RFX8: variants seen among roughly 807,000 people sequenced by gnomAD.
RFX8 encodes the protein DNA-binding protein RFX8.
In RFX8, 46 loss-of-function variants were observed where a neutral mutation model predicts 54.6. The observed-to-expected ratio is 0.84, with a 90% CI of 0.67 to 1.08. RFX8 has a LOEUF of 1.08. Among genes scored for constraint, RFX8 ranks in the 50% least tolerant of loss-of-function variants. RFX8 has a pLI of 0.00. For missense variants in RFX8, 536 were observed against 562.3 expected (o/e 0.95, Z 0.47); for synonymous variants, 192 against 209.5 (o/e 0.92, Z 0.72).
chr2:101,425,500 A>G (rs1348754997), intron 2 of RFX8, among the ~76,000 whole-genome samples: 1 of 152,232 alleles, frequency 6.6e-6, no homozygotes, highest in Admixed American at 6.5e-5. Flanking sequence ...CATGGCACAT[A>G]CAACACAGTT....
chr2:101,426,737 A>G (rs918257908), intron 2 of RFX8, among the ~76,000 whole-genome samples: 1 of 152,066 alleles, frequency 6.6e-6, no homozygotes, highest in Non-Finnish European at 1.5e-5. Flanking sequence ...AGCCCCTGGG[A>G]GTCTGATGTG....
chr2:101,430,958 A>G (rs1331526662), intron 2 of RFX8, among the ~76,000 whole-genome samples: 2 of 152,350 alleles, frequency 1.3e-5, no homozygotes, highest in Non-Finnish European at 2.9e-5. Flanking sequence ...ATGTCTAAAA[A>G]TTAGTTGTGA....
chr2:101,416,771 T>C (rs933509615), intron 6 of RFX8, among the ~76,000 whole-genome samples: 1 of 151,968 alleles, frequency 6.6e-6, no homozygotes, highest in Admixed American at 6.6e-5. Context: ...ACAAAGAGGA[T>C]AGATTTATAG....
intron 2 of RFX8, among the ~76,000 whole-genome samples, chr2:101,459,433 CCTTT>C (rs1263732028): frequency 6.6e-6 from 1 of 152,132 alleles, no homozygotes; most frequent in African/African-American, 2.4e-5. Context: ...TCATGTTATT[CCTTT>C]CTGTTTGTTA....
intron 2 of RFX8, among the ~76,000 whole-genome samples, chr2:101,428,361 C>T (rs1687300105): frequency 6.6e-6 from 1 of 152,182 alleles, no homozygotes; most frequent in Non-Finnish European, 1.5e-5. Flanking sequence ...AGTGCTTGCT[C>T]CCTCTCTTTC....
At chr2:101,456,673 C>CT (rs900663339) in intron 2 of RFX8, among the ~76,000 whole-genome samples, 23 of 151,288 alleles carry the variant, frequency 1.5e-4, no homozygotes, top group South Asian at 6.3e-4. Flanking sequence ...CTAAAATTCT[C>CT]TTTTTTTTTG....
In RFX8 at chr2:101,468,523, C is replaced by T. The variant is rs571810613; in HGVS notation, c.-52-1623G>A. On this transcript the variant is annotated intron_variant, in intron 1 of 11. Transcript: ENST00000428343. ...CAGGCTGGTCTTGAACTCCTGGGCTCGAGCGCTCCACCCACCTCAGCCTCC... is the reference window on the plus strand; with the variant it reads ...CAGGCTGGTCTTGAACTCCTGGGCTTGAGCGCTCCACCCACCTCAGCCTCC... Among the ~76,000 whole-genome samples, 6 of 152,082 alleles carry T rather than the reference C, an allele frequency of 3.9e-5. No homozygotes were observed. The South Asian group carries it at 8.3e-4, about 21-fold the overall frequency.
Position 101,404,423 on chromosome 2 carries a change from A to G in RFX8, c.928+1520T>C, listed in dbSNP as rs562294681. ...AGGTAGACTGGGAAAAGTAACAACT[A>G]CAGACTAGATTTCTTTTCTTTTTTT... is the stretch of plus-strand genomic sequence containing the variant. On this transcript the variant is annotated intron_variant, in intron 10 of 11. Transcript: ENST00000428343. 3.9e-5 allele frequency among the ~76,000 whole-genome samples: 6 copies of G among 152,222 alleles called. No homozygotes were observed. In the East Asian group the frequency reaches 9.7e-4, roughly 25 times the overall value.
intron 2 of RFX8, 35 bp downstream of exon 2, chr2:101,466,742 A>G: frequency 1.4e-6 from 2 of 1,439,144 alleles, no homozygotes; most frequent in Non-Finnish European, 1.9e-6. Flanking sequence ...TTTTGCACTC[A>G]GTGAATAGAG....
At chr2:101,442,017 C>A (rs537307275) in intron 2 of RFX8, among the ~76,000 whole-genome samples, 2 of 152,002 alleles carry the variant, frequency 1.3e-5, no homozygotes, top group Non-Finnish European at 1.5e-5. Context: ...GATTAAACAA[C>A]GTTGAGGACT....
chr2:101,408,506 C>A (rs944621706), intron 9 of RFX8, among the ~76,000 whole-genome samples: 12 of 151,730 alleles, frequency 7.9e-5, no homozygotes, highest in African/African-American at 2.7e-4. Context: ...AAAAAAAACG[C>A]TGGAGGCTGA....
At chr2:101,449,836 G>A (rs1688582449) in intron 2 of RFX8, among the ~76,000 whole-genome samples, 2 of 152,120 alleles carry the variant, frequency 1.3e-5, no homozygotes, top group South Asian at 2.1e-4. Context: ...AGATCTCGGG[G>A]AGAGCCTAAG....
At chr2:101,435,705 C>A (rs1299139325) in intron 2 of RFX8, among the ~76,000 whole-genome samples, 2 of 152,064 alleles carry the variant, frequency 1.3e-5, no homozygotes, top group African/African-American at 2.4e-5. Context: ...GCCAACTAAA[C>A]GGGATTGGAA....
At chr2:101,424,955 T>C (rs1377463620) in intron 2 of RFX8, among the ~76,000 whole-genome samples, 3 of 152,212 alleles carry the variant, frequency 2.0e-5, no homozygotes, top group South Asian at 4.1e-4. Context: ...ACATGGCACA[T>C]GTATACCTAT....
intron 2 of RFX8, among the ~76,000 whole-genome samples, chr2:101,455,074 A>C (rs1401218450): frequency 6.7e-6 from 1 of 149,936 alleles, no homozygotes; most frequent in Non-Finnish European, 1.5e-5. Context: ...GCAATGGCAC[A>C]ATCTCAGCTC....
At chr2:101,420,190 G>C (rs1291500270) in intron 4 of RFX8, among the ~76,000 whole-genome samples, 1 of 152,000 alleles carries the variant, frequency 6.6e-6, no homozygotes, top group Non-Finnish European at 1.5e-5. Flanking sequence ...GGCATCCGAG[G>C]CCCCTTCTGG....
At chr2:101,437,589 A>G (rs888547642) in intron 2 of RFX8, among the ~76,000 whole-genome samples, 1 of 152,124 alleles carries the variant, frequency 6.6e-6, no homozygotes, top group Non-Finnish European at 1.5e-5. Flanking sequence ...AAAGAAAAGA[A>G]AAAAAGGAAA....
rs1690220848 is a variant in RFX8 at position 101,474,753 on chromosome 2, A to AGCCCT, written c.-171_-170insAGGGC. The AGCCCT allele has an allele frequency of 1.3e-5, 2 of 150,178 alleles. No individual in the cohort carries two copies. The highest frequency in any genetic ancestry group is 4.9e-5 in the African/African-American group (2 of 40,960). 9.3% of individuals were successfully genotyped at this position (150,178 alleles called of 1,614,324 possible). On this transcript the variant is annotated 5_prime_UTR_variant, in exon 1 of 12. The change creates a premature stop within an existing upstream ORF in the 5' untranslated region. Transcript: ENST00000428343. ...TACCCCGGCTGCCGCTCCCCATCCC[A>AGCCCT]GCCCCGCCCCACCCCACCCCAAGAG... is the stretch of plus-strand genomic sequence containing the variant.
chr2:101,425,709 T>C (rs1687132321), intron 2 of RFX8, among the ~76,000 whole-genome samples: 1 of 152,210 alleles, frequency 6.6e-6, no homozygotes, highest in South Asian at 2.1e-4. Context: ...GTGAAAAGAA[T>C]TGTTCTTTCA....
Sources: allele counts gnomAD v4.1 joint callset (sites outside exome capture counted in the v4.1 genomes callset), GRCh38; gene constraint gnomAD v4.1.1; transcripts MANE v1.5; gene names NCBI Gene and HGNC (gene_info 2026-07-23, HGNC 2026-07-21).